The following TGFBR3 variants were observed in gnomAD, a reference collection of about 807,000 sequenced individuals.
TGFBR3 encodes the protein transforming growth factor beta receptor 3, also known as transforming growth factor beta receptor type 3.
A neutral mutation model predicts 87.9 loss-of-function variants in TGFBR3; 46 were observed. The ratio of observed to expected loss-of-function variants is 0.52; its 90% CI spans 0.41 to 0.67. The LOEUF is 0.67. Among genes scored for constraint, TGFBR3 ranks in the 30% least tolerant of loss-of-function variants. TGFBR3 has a pLI of 0.00. For missense variants in TGFBR3, 866 were observed against 1,041.9 expected (o/e 0.83, Z 2.32); for synonymous variants, 381 against 391.6 (o/e 0.97, Z 0.32).
chr1:91,691,459 T>C (rs1230785750), intron 16 of TGFBR3, among the ~76,000 whole-genome samples: 1 of 152,078 alleles, frequency 6.6e-6, no homozygotes, highest in Non-Finnish European at 1.5e-5. Context: ...TAGAAGACAA[T>C]GAGGAGGGCT....
At chr1:91,831,463 T>C (rs1306979498) in intron 2 of TGFBR3, among the ~76,000 whole-genome samples, 4 of 152,156 alleles carry the variant, frequency 2.6e-5, no homozygotes, top group East Asian at 3.8e-4. Flanking sequence ...CAGAAACATA[T>C]GCTTCTGTCT....
In TGFBR3 at chr1:91,683,260, AG is replaced by A. The variant is rs896901893; in HGVS notation, c.*478del. On this transcript the variant is annotated 3_prime_UTR_variant, in exon 17 of 17. Coordinates refer to ENST00000212355, the MANE Select transcript of TGFBR3 (RefSeq NM_003243.5). The stretch of plus-strand genomic sequence containing the variant: ...AATTAGACAGGAGGATCGCTTAGAA[AG>A]CCTCAAAGCATTTCTTGTTTTACAT... The A allele has an allele frequency of 2.2e-6, 1 of 455,148 alleles. No individual in the cohort carries two copies. Among genetic ancestry groups the A allele is most frequent in the Non-Finnish European group, 4.4e-6 (1 of 227,342 alleles). 28.2% of individuals were successfully genotyped at this position (455,148 alleles called of 1,614,324 possible).
In TGFBR3 at chr1:91,716,573, C is replaced by T. The variant is rs201405416; in HGVS notation, c.1702G>A (p.Val568Met). Residue 568 changes from valine (V) to methionine (M), a missense_variant, in exon 11 of 17, where the codon GTG becomes ATG. Coordinates refer to ENST00000212355, the MANE Select transcript of TGFBR3 (RefSeq NM_003243.5). ...DASLFTRPEI[V>M]VFNCSLQQVR... ...TACTGATAACAAACACATACCACCA[C>T]GATTTCAGGTCGGGTGAACAGGGAA... 60 of 1,614,012 alleles carry T rather than the reference C, an allele frequency of 3.7e-5. No homozygotes were observed. Among genetic ancestry groups the T allele is most frequent in the African/African-American group, 1.5e-4 (11 of 74,936 alleles).
intron 3 of TGFBR3, among the ~76,000 whole-genome samples, chr1:91,793,819 A>C (rs1010474646): frequency 6.6e-6 from 1 of 151,592 alleles, no homozygotes; most frequent in Admixed American, 6.6e-5. Flanking sequence ...AAAAAAAAAA[A>C]AAAAAAAAAA....
At chr1:91,819,021 C>G (rs1676348519) in intron 2 of TGFBR3, among the ~76,000 whole-genome samples, 1 of 152,140 alleles carries the variant, frequency 6.6e-6, no homozygotes. Context: ...CTGTTCACAC[C>G]TTCTTTGGGG....
intron 3 of TGFBR3, among the ~76,000 whole-genome samples, chr1:91,765,150 G>A (rs928288933): frequency 6.6e-6 from 1 of 151,548 alleles, no homozygotes; most frequent in African/African-American, 2.4e-5. Context: ...GAAGCCAAAA[G>A]ATCGGACGCC....
intron 14 of TGFBR3, among the ~76,000 whole-genome samples, chr1:91,706,425 T>C (rs1445563882): frequency 6.6e-6 from 1 of 152,146 alleles, no homozygotes; most frequent in Non-Finnish European, 1.5e-5. Flanking sequence ...ACACTAAGTA[T>C]AATACATTAG....
chr1:91,796,216 A>G (rs1340792368), intron 3 of TGFBR3, among the ~76,000 whole-genome samples: 2 of 152,150 alleles, frequency 1.3e-5, no homozygotes, highest in Non-Finnish European at 2.9e-5. Flanking sequence ...GGAAATCTGT[A>G]CTCTTAAATG....
At chr1:91,824,554 T>C (rs2634036) in intron 2 of TGFBR3, among the ~76,000 whole-genome samples, 17,514 of 152,194 alleles carry the variant, frequency 0.12, 1,280 homozygotes, top group East Asian at 0.38. Context: ...TGAACATCCA[T>C]TGAGATACCA....
At chr1:91,818,982 T>C (rs1430145770) in intron 2 of TGFBR3, among the ~76,000 whole-genome samples, 1 of 152,190 alleles carries the variant, frequency 6.6e-6, no homozygotes, top group Non-Finnish European at 1.5e-5. Flanking sequence ...CACAGATTAT[T>C]TTGCCAGAGT....
intron 13 of TGFBR3, among the ~76,000 whole-genome samples, chr1:91,711,107 C>T (rs886875218): frequency 3.3e-5 from 5 of 152,190 alleles, no homozygotes; most frequent in African/African-American, 7.2e-5. Context: ...CACAGCCACA[C>T]ATGAAGCTCC....
intron 1 of TGFBR3, among the ~76,000 whole-genome samples, chr1:91,875,158 T>C (rs1678733209): frequency 6.6e-6 from 1 of 152,160 alleles, no homozygotes; most frequent in Admixed American, 6.5e-5. Context: ...AATCCTGCTC[T>C]GGGGAATCTG....
At chr1:91,855,782 A>C (rs1257005214) in intron 2 of TGFBR3, among the ~76,000 whole-genome samples, 2 of 152,166 alleles carry the variant, frequency 1.3e-5, no homozygotes, top group Non-Finnish European at 2.9e-5. Context: ...CTTATTTTTT[A>C]AACTTCCCAC....
At chr1:91,717,184 T>C (rs756403258) in intron 10 of TGFBR3, among the ~76,000 whole-genome samples, 2 of 152,084 alleles carry the variant, frequency 1.3e-5, no homozygotes, top group Admixed American at 1.3e-4. Flanking sequence ...GAAAGTTTGG[T>C]TGGAGTCAGC....
chr1:91,714,124 C>T (rs1048986187), intron 12 of TGFBR3, among the ~76,000 whole-genome samples: 3 of 151,834 alleles, frequency 2.0e-5, no homozygotes, highest in East Asian at 3.9e-4. Flanking sequence ...TGTAGTGAGA[C>T]GAGCTCATAA....
rs772290590 is a variant in TGFBR3, at chr1:91,775,889, G to A, written c.247-17139C>T. Reference sequence around the variant, plus strand: ...ATTCCTTTCCAAATTCAACTCCATGGTCTTTCTTTTGTCTGTTTTGCTAAA... The same window carrying A: ...ATTCCTTTCCAAATTCAACTCCATGATCTTTCTTTTGTCTGTTTTGCTAAA... On this transcript the variant is annotated intron_variant, in intron 3 of 16. Transcript: ENST00000212355. Among the ~76,000 whole-genome samples, 3 of 152,136 alleles carry A rather than the reference G, an allele frequency of 2.0e-5. No individual in the cohort carries two copies. In the East Asian group the frequency reaches 5.8e-4, roughly 29 times the overall value.
chr1:91,839,201 C>A (rs1427825666), intron 2 of TGFBR3, among the ~76,000 whole-genome samples: 1 of 152,152 alleles, frequency 6.6e-6, no homozygotes, highest in Non-Finnish European at 1.5e-5. Context: ...TGGTCTCAAA[C>A]TCCTGGGCTC....
chr1:91,754,140 T>C (rs951314753), intron 4 of TGFBR3, among the ~76,000 whole-genome samples: 7 of 152,196 alleles, frequency 4.6e-5, no homozygotes, highest in African/African-American at 1.7e-4. Flanking sequence ...TTTTTGGCCA[T>C]TTGTGTCTTT....
At chr1:91,890,238 C>T (rs954654895), upstream of TGFBR3, among the ~76,000 whole-genome samples, 1 of 151,960 alleles carries the variant, frequency 6.6e-6, no homozygotes, top group Non-Finnish European at 1.5e-5. Flanking sequence ...ATACAAGGAA[C>T]CACCCCTCCT....
Sources: allele counts gnomAD v4.1 joint callset (sites outside exome capture counted in the v4.1 genomes callset), GRCh38; gene constraint gnomAD v4.1.1; transcripts MANE v1.5; gene names NCBI Gene and HGNC (gene_info 2026-07-23, HGNC 2026-07-21).